CCDC141: variants seen among roughly 807,000 people sequenced by gnomAD.
CCDC141 encodes coiled-coil domain-containing protein 141.
A neutral mutation model predicts 181.0 loss-of-function variants in CCDC141; 168 were observed. The observed-to-expected ratio is 0.93, with a 90% CI of 0.82 to 1.05. The LOEUF (loss-of-function observed/expected upper bound fraction) is 1.05, where lower values mean the gene tolerates loss of function less well. Among genes scored for constraint, CCDC141 ranks in the 50% least tolerant of loss-of-function variants. CCDC141 has a pLI of 0.00. For missense variants in CCDC141, 1,902 were observed against 1,788.5 expected (o/e 1.06, Z -1.14); for synonymous variants, 666 against 642.3 (o/e 1.04, Z -0.56).
At chr2:178,909,549 C>T (rs1049052538) in intron 7 of CCDC141, among the ~76,000 whole-genome samples, 2 of 152,188 alleles carry the variant, frequency 1.3e-5, no homozygotes, top group Non-Finnish European at 2.9e-5. Flanking sequence ...GAAGACTGTA[C>T]TGTCTGTGAT....
At chr2:179,031,417 G>A (rs1211116695) in intron 2 of CCDC141, among the ~76,000 whole-genome samples, 1 of 151,710 alleles carries the variant, frequency 6.6e-6, no homozygotes, top group Non-Finnish European at 1.5e-5. Flanking sequence ...GGCTGAGAAA[G>A]CATTTCAAAA....
chr2:178,931,301 T>C (rs12990416), intron 6 of CCDC141, among the ~76,000 whole-genome samples: 37,113 of 151,956 alleles, frequency 0.24, 4,563 homozygotes, highest in Middle Eastern at 0.29. Context: ...TACCACATGG[T>C]CTAGCAATTC....
intron 6 of CCDC141, among the ~76,000 whole-genome samples, chr2:178,929,587 A>C (rs1270172144): frequency 6.6e-6 from 1 of 152,166 alleles, no homozygotes; most frequent in Non-Finnish European, 1.5e-5. Flanking sequence ...TTTGATCTTC[A>C]ATTACCTCAG....
chr2:178,981,669 TAC>T (rs1691413035), intron 2 of CCDC141, among the ~76,000 whole-genome samples: 1 of 135,966 alleles, frequency 7.4e-6, no homozygotes, highest in African/African-American at 2.7e-5. Context: ...CATACATATA[TAC>T]ATATATATAT....
chr2:178,954,455 A>T (rs1275081967), intron 5 of CCDC141, among the ~76,000 whole-genome samples: 1 of 152,216 alleles, frequency 6.6e-6, no homozygotes, highest in East Asian at 1.9e-4. Flanking sequence ...TTAAGATAGG[A>T]AAGTATGTGT....
At chr2:179,035,698 G>A (rs1026573522) in intron 2 of CCDC141, among the ~76,000 whole-genome samples, 2 of 152,172 alleles carry the variant, frequency 1.3e-5, no homozygotes, top group Admixed American at 6.5e-5. Context: ...CTACAGTGCT[G>A]TTTGACTTCC....
At chr2:179,038,786 A>G (rs2043212986) in intron 2 of CCDC141, among the ~76,000 whole-genome samples, 1 of 152,214 alleles carries the variant, frequency 6.6e-6, no homozygotes, top group Admixed American at 6.5e-5. Flanking sequence ...GAAATTTTCC[A>G]GTGTTTTACC....
chr2:178,991,446 G>T (rs1049470892), intron 2 of CCDC141, among the ~76,000 whole-genome samples: 2 of 151,652 alleles, frequency 1.3e-5, no homozygotes, highest in Non-Finnish European at 2.9e-5. Flanking sequence ...TTTAACTTTT[G>T]ACATTTTAAA....
chr2:178,941,036 C>T (rs1293900640), intron 6 of CCDC141, among the ~76,000 whole-genome samples: 1 of 152,142 alleles, frequency 6.6e-6, no homozygotes. Flanking sequence ...TCTGTCATGA[C>T]CATGGATTAT....
chr2:179,008,782 A>G (rs1425850308), intron 2 of CCDC141, among the ~76,000 whole-genome samples: 1 of 152,172 alleles, frequency 6.6e-6, no homozygotes, highest in Non-Finnish European at 1.5e-5. Context: ...CAGGACTATC[A>G]GGGTACCTGA....
At chr2:178,981,642 A>G (rs1328357039) in intron 2 of CCDC141, among the ~76,000 whole-genome samples, 1 of 84,660 alleles carries the variant, frequency 1.2e-5, no homozygotes, top group Non-Finnish European at 2.8e-5. Flanking sequence ...GTGTGTATAT[A>G]TATATATATA....
At chr2:178,835,972 G>C (rs1684460326) in intron 23 of CCDC141, 1 of 152,544 alleles carries the variant, frequency 6.6e-6, no homozygotes. Flanking sequence ...CATATTTCAA[G>C]TACCATCAAT....
chr2:178,966,558 A>G (rs933320428), intron 4 of CCDC141, among the ~76,000 whole-genome samples: 1 of 152,126 alleles, frequency 6.6e-6, no homozygotes, highest in African/African-American at 2.4e-5. Context: ...TAACAAACAG[A>G]AAGGAACAGC....
chr2:178,815,566 C>T, the CCDC141 span, among the ~76,000 whole-genome samples: 3 of 152,146 alleles, frequency 2.0e-5, no homozygotes, highest in Admixed American at 6.6e-5. Flanking sequence ...GCAGTATAGT[C>T]GTCCTTCAGT....
Position 178,877,711 on chromosome 2 carries a change from C to G in CCDC141, c.1899+253G>C, listed in dbSNP as rs1354831403. 2.6e-5 allele frequency: 14 copies of G among 530,466 alleles called. 1 individual carries two copies. In the South Asian group the frequency reaches 3.9e-4, roughly 15 times the overall value. 32.9% of individuals were successfully genotyped at this position (530,466 alleles called of 1,614,324 possible). ...TTCTGAGGACTCTATTTAATAATAA[C>G]AATGTTGCATTTGGATTACAGTCAC... On this transcript the variant is annotated intron_variant, in intron 12 of 23. Transcript: ENST00000443758.
At chr2:178,890,167 G>A (rs180889201) in intron 8 of CCDC141, among the ~76,000 whole-genome samples, 150 of 152,230 alleles carry the variant, frequency 9.9e-4, no homozygotes, top group African/African-American at 3.3e-3. Flanking sequence ...GGGCAAACAC[G>A]TAGAGAAGAA....
chr2:178,885,909 G>A (rs1575170038), intron 10 of CCDC141, among the ~76,000 whole-genome samples: 2 of 152,150 alleles, frequency 1.3e-5, no homozygotes, highest in Non-Finnish European at 2.9e-5. Flanking sequence ...CCTGCTTCAT[G>A]ATAGCACTCT....
intron 3 of CCDC141, among the ~76,000 whole-genome samples, chr2:178,976,369 T>C (rs992998079): frequency 2.6e-5 from 4 of 152,250 alleles, no homozygotes; most frequent in Non-Finnish European, 4.4e-5. Flanking sequence ...GGATTCTTAA[T>C]ATTTTAATGT....
rs1231045397 is a variant in CCDC141 at position 178,874,465 on chromosome 2, A to G, written c.1900-2153T>C. 6 of 152,352 alleles carry G rather than the reference A, an allele frequency of 3.9e-5. No homozygotes were observed. In the East Asian group the frequency reaches 7.7e-4, roughly 20 times the overall value. The allele number at this position is 152,352 out of a possible 1,614,324, so 9.4% of individuals were successfully genotyped here. A position where few individuals can be genotyped will look rare whatever the true frequency, so the allele number is the denominator to read the frequency against. ...TATTTAGATATAGATACAAAATATA[A>G]TTTGGAATAAGTTATTGTTGCAGAT... is the stretch of plus-strand genomic sequence containing the variant. On this transcript the variant is annotated intron_variant, in intron 12 of 23. Transcript: ENST00000443758.
Sources: gnomAD v4.1 joint callset for allele counts (sites outside exome capture counted in the v4.1 genomes callset) on GRCh38, gnomAD v4.1.1 for gene constraint, MANE v1.5 for transcripts, NCBI Gene and HGNC (gene_info 2026-07-23, HGNC 2026-07-21) for gene names.